The following YES1 variants were observed in gnomAD, a reference collection of about 807,000 sequenced individuals.
The protein encoded by YES1 is YES proto-oncogene 1, Src family tyrosine kinase, also known as tyrosine-protein kinase Yes.
A neutral mutation model predicts 70.4 loss-of-function variants in YES1; 39 were observed. The observed-to-expected ratio is 0.55, with a 90% CI of 0.43 to 0.72. YES1 has a LOEUF of 0.72. Ranked by LOEUF, YES1 falls within the 30% of genes least tolerant of loss-of-function variation. The pLI, the probability that YES1 is intolerant of heterozygous loss-of-function variation, is 0.00. For missense variants in YES1, 495 were observed against 644.8 expected (o/e 0.77, Z 2.52); for synonymous variants, 198 against 218.6 (o/e 0.91, Z 0.83).
chr18:773,855 G>A (rs549132833), intron 1 of YES1, among the ~76,000 whole-genome samples: 2 of 150,346 alleles, frequency 1.3e-5, no homozygotes, highest in South Asian at 2.1e-4. Flanking sequence ...TTTTTGAGAC[G>A]GAATCTTGCT....
At chr18:805,618 C>T (rs1907058463) in intron 1 of YES1, among the ~76,000 whole-genome samples, 1 of 152,190 alleles carries the variant, frequency 6.6e-6, no homozygotes, top group Admixed American at 6.5e-5. Context: ...AGAAATGAAA[C>T]TAAAATCTAG....
At chr18:747,329 C>T (rs1337524492) in intron 4 of YES1, among the ~76,000 whole-genome samples, 2 of 152,010 alleles carry the variant, frequency 1.3e-5, no homozygotes, top group Non-Finnish European at 2.9e-5. Flanking sequence ...ATTAGCTGGG[C>T]GTGGTGGTGC....
In YES1 at chr18:739,728, C is replaced by T; in HGVS notation, c.1137+7G>A. ...ATTCAAATGGATACATGTATATATA[C>T]AGATACCTGAGCAGCCATATCAACC... is the stretch of plus-strand genomic sequence containing the variant. On this transcript the variant is annotated splice_region_variant and intron_variant, in intron 9 of 11. Coordinates refer to ENST00000314574, the MANE Select transcript of YES1 (RefSeq NM_005433.4). The T allele has an allele frequency of 6.2e-7, 1 of 1,604,418 alleles. No homozygotes were observed. Among genetic ancestry groups the T allele is most frequent in the Non-Finnish European group, 8.5e-7 (1 of 1,173,448 alleles).
rs78380728 is a variant in YES1, at chr18:789,747, T to C, written c.-9+22367A>G. 2.9e-3 allele frequency among the ~76,000 whole-genome samples: 444 copies of C among 151,434 alleles called. 2 individuals are homozygous for C. Among genetic ancestry groups the C allele is most frequent in the Middle Eastern group, 6.8e-3 (2 of 294 alleles). ...TTGAGGAATTTAGGAGCAAACAAAA[T>C]TAGGAGAATTTACAATCTAAAAAAA... On this transcript the variant is annotated intron_variant, in intron 1 of 11. Transcript: ENST00000314574.
At chr18:781,204 G>A (rs1049723008) in intron 1 of YES1, among the ~76,000 whole-genome samples, 24 of 149,598 alleles carry the variant, frequency 1.6e-4, no homozygotes, top group Non-Finnish European at 2.9e-5. Context: ...GGGAGATGGA[G>A]GTTGCAGTGA....
In YES1 at chr18:744,013, TAATA is replaced by T. The variant is rs539590860; in HGVS notation, c.725-602_725-599del. 5.0e-4 allele frequency among the ~76,000 whole-genome samples: 75 copies of T among 149,866 alleles called. 1 individual carries two copies. The highest frequency in any genetic ancestry group is 1.7e-3 in the African/African-American group (70 of 41,090). ...TATTTACTACTTAGTATGTATATAC[TAATA>T]TATAGTAGATATGTTAGTATATTTA... is the stretch of plus-strand genomic sequence containing the variant. On this transcript the variant is annotated intron_variant, in intron 6 of 11. Coordinates refer to ENST00000314574, the MANE Select transcript of YES1 (RefSeq NM_005433.4).
At chr18:726,477 A>T (rs1030294340) in intron 11 of YES1, among the ~76,000 whole-genome samples, 7 of 150,352 alleles carry the variant, frequency 4.7e-5, no homozygotes, top group African/African-American at 1.7e-4. Context: ...TGATAATTAG[A>T]ACTATTAAAT....
At chr18:793,043 G>GTT (rs761477770) in intron 1 of YES1, among the ~76,000 whole-genome samples, 6,169 of 136,750 alleles carry the variant, frequency 0.045, 252 homozygotes, top group East Asian at 0.12. Flanking sequence ...ATTATTATTG[G>GTT]TTTTTTTTTT....
chr18:726,781 CAAAAAAAAAAA>C (rs58322434), intron 11 of YES1, among the ~76,000 whole-genome samples: 9 of 47,232 alleles, frequency 1.9e-4, no homozygotes, highest in Admixed American at 7.9e-4. Flanking sequence ...ACTCTTGTCT[CAAAAAAAAAAA>C]AAAAAAAAAA....
At chr18:732,701 G>C in intron 11 of YES1, 133 bp downstream of exon 11, 2 of 1,178,706 alleles carry the variant, frequency 1.7e-6, no homozygotes, top group Non-Finnish European at 2.4e-6. Context: ...TAAAGGGAAG[G>C]AGTGGGGAGA....
chr18:772,288 C>CA (rs1905195354), intron 1 of YES1, among the ~76,000 whole-genome samples: 1 of 152,044 alleles, frequency 6.6e-6, no homozygotes, highest in South Asian at 2.1e-4. Flanking sequence ...TTCGGCCTCC[C>CA]AAAGTGCTGG....
At chr18:771,907 G>T (rs1905175194) in intron 1 of YES1, among the ~76,000 whole-genome samples, 1 of 152,000 alleles carries the variant, frequency 6.6e-6, no homozygotes, top group Non-Finnish European at 1.5e-5. Flanking sequence ...CTTAACGTTG[G>T]GCTCTTTTGG....
intron 1 of YES1, among the ~76,000 whole-genome samples, chr18:797,219 C>T (rs1444838322): frequency 6.6e-6 from 1 of 151,984 alleles, no homozygotes; most frequent in East Asian, 1.9e-4. Flanking sequence ...AAGCAGTTCA[C>T]CACAAGGAGA....
At chr18:809,225 T>C (rs1434382952) in intron 1 of YES1, among the ~76,000 whole-genome samples, 3 of 152,170 alleles carry the variant, frequency 2.0e-5, no homozygotes, top group Non-Finnish European at 4.4e-5. Flanking sequence ...AACAATTAAG[T>C]TATTAAAGAA....
intron 3 of YES1, among the ~76,000 whole-genome samples, chr18:748,357 TTTC>T (rs1034591494): frequency 1.4e-4 from 3 of 21,484 alleles, no homozygotes; most frequent in Non-Finnish European, 2.7e-4. Context: ...TCAGTATTCT[TTTC>T]TTTTTTTTTT....
intron 1 of YES1, among the ~76,000 whole-genome samples, chr18:759,339 C>T (rs549718932): frequency 2.2e-4 from 33 of 152,238 alleles, no homozygotes; most frequent in African/African-American, 7.2e-4. Flanking sequence ...AGGTGGCGGG[C>T]GCCTGTAATT....
chr18:811,927 C>T (rs111747768), intron 1 of YES1, among the ~76,000 whole-genome samples, 187 bp downstream of exon 1: 8,239 of 152,158 alleles, frequency 0.054, 339 homozygotes, highest in East Asian at 0.12. Context: ...GCAGGTAGCG[C>T]GGGGAACGAG....
At chr18:763,426 G>A (rs1307703666) in intron 1 of YES1, among the ~76,000 whole-genome samples, 6 of 152,078 alleles carry the variant, frequency 3.9e-5, no homozygotes, top group Non-Finnish European at 7.3e-5. Context: ...CAGGTGTGGC[G>A]GCTCATGTCT....
intron 8 of YES1, among the ~76,000 whole-genome samples, chr18:740,911 T>G (rs921076995): frequency 6.6e-6 from 1 of 152,198 alleles, no homozygotes; most frequent in Non-Finnish European, 1.5e-5. Flanking sequence ...AGTCTTTATT[T>G]ATTTGAAACG....
Sources: allele counts gnomAD v4.1 joint callset (sites outside exome capture counted in the v4.1 genomes callset), GRCh38; gene constraint gnomAD v4.1.1; transcripts MANE v1.5; gene names NCBI Gene and HGNC (gene_info 2026-07-23, HGNC 2026-07-21).